Variants in ZFR observed in about 807,000 individuals in gnomAD.
ZFR encodes zinc finger RNA-binding protein.
In ZFR, 19 loss-of-function variants were observed where a neutral mutation model predicts 130.7. The ratio of observed to expected loss-of-function variants is 0.15; its 90% CI spans 0.10 to 0.21. ZFR has a LOEUF of 0.21. Ranked by LOEUF, ZFR falls within the 10% of genes least tolerant of loss-of-function variation. The pLI is 1.00. For synonymous variants in ZFR, 466 were observed against 456.9 expected (o/e 1.02, Z -0.25); for missense variants, 872 against 1,321.5 (o/e 0.66, Z 5.27).
At chr5:32,357,761 A>T (rs939716436) in intron 19 of ZFR, among the ~76,000 whole-genome samples, 15 of 152,234 alleles carry the variant, frequency 9.9e-5, no homozygotes, top group African/African-American at 3.4e-4. Context: ...TGGCTCCTTA[A>T]GTCAGCTGGC....
At chr5:32,417,164 G>T (rs957486621) in intron 4 of ZFR, among the ~76,000 whole-genome samples, 3 of 148,594 alleles carry the variant, frequency 2.0e-5, no homozygotes. Context: ...AAATATACAG[G>T]TTTCTTTGCA....
chr5:32,379,312 T>C (rs997069658), intron 16 of ZFR, 102 bp from the exon 17 acceptor site: 1 of 992,750 alleles, frequency 1.0e-6, no homozygotes, highest in Non-Finnish European at 1.6e-6. Context: ...GAAGCTCAGA[T>C]AAAAACAAAA....
At chr5:32,390,182 T>C in intron 12 of ZFR, 93 bp downstream of exon 12, 1 of 1,443,624 alleles carries the variant, frequency 6.9e-7, no homozygotes, top group Non-Finnish European at 9.3e-7. Flanking sequence ...TACAAGATTA[T>C]TAAGTCTAAA....
At chr5:32,432,108 C>CA (rs1352380260) in intron 2 of ZFR, among the ~76,000 whole-genome samples, 4 of 151,956 alleles carry the variant, frequency 2.6e-5, no homozygotes. Flanking sequence ...CCACCCACCT[C>CA]AGCCTCCTGA....
intron 8 of ZFR, among the ~76,000 whole-genome samples, chr5:32,402,201 C>G (rs920110178): frequency 1.3e-5 from 2 of 152,124 alleles, no homozygotes; most frequent in African/African-American, 2.4e-5. Context: ...CTTAGTAACA[C>G]TACCATTTAA....
intron 11 of ZFR, among the ~76,000 whole-genome samples, chr5:32,391,151 T>C (rs559009806): frequency 1.3e-5 from 2 of 152,358 alleles, no homozygotes; most frequent in Non-Finnish European, 2.9e-5. Context: ...AATCTTGCGC[T>C]GTCCAGCTCC....
chr5:32,389,921 C>T (rs1185505636), intron 12 of ZFR, among the ~76,000 whole-genome samples: 8 of 152,160 alleles, frequency 5.3e-5, no homozygotes, highest in Admixed American at 5.2e-4. Context: ...GAGGCCCAGG[C>T]GGACGGATCT....
intron 5 of ZFR, among the ~76,000 whole-genome samples, chr5:32,413,102 T>C (rs928153171): frequency 1.3e-5 from 2 of 151,876 alleles, no homozygotes; most frequent in Non-Finnish European, 2.9e-5. Context: ...GGCAGGAGAA[T>C]CGCTTAAACC....
intron 2 of ZFR, among the ~76,000 whole-genome samples, chr5:32,423,448 G>A (rs1754000217): frequency 6.6e-6 from 1 of 152,040 alleles, no homozygotes; most frequent in Non-Finnish European, 1.5e-5. Flanking sequence ...GACCATGTGG[G>A]AAATGAACAT....
intron 10 of ZFR, among the ~76,000 whole-genome samples, chr5:32,396,900 G>T (rs1385558952): frequency 1.3e-5 from 2 of 152,170 alleles, no homozygotes; most frequent in Non-Finnish European, 2.9e-5. Context: ...GATAAAGAAG[G>T]TGGATAAATA....
chr5:32,395,054 T>A (rs1753269773), intron 11 of ZFR, 105 bp downstream of exon 11: 1 of 1,384,034 alleles, frequency 7.2e-7, no homozygotes, highest in Non-Finnish European at 9.4e-7. Context: ...AAATTGGAAG[T>A]AAATAAATCT....
intron 17 of ZFR, among the ~76,000 whole-genome samples, chr5:32,367,917 T>A (rs972377423): frequency 1.3e-5 from 2 of 152,178 alleles, no homozygotes; most frequent in African/African-American, 4.8e-5. Flanking sequence ...TTGTCCAAGG[T>A]CATGTAGCTA....
In ZFR at chr5:32,378,414, T is replaced by TA. The variant is rs968086599; in HGVS notation, c.2835+700dup. Among the ~76,000 whole-genome samples the TA allele has an allele frequency of 3.1e-4, 47 of 151,306 alleles. No homozygotes were observed. In the East Asian group the frequency reaches 3.5e-3, roughly 11 times the overall value. ...AGGCCATGCTTTTGTTAAAAAAGATTAAAAAAAAAGAACTAAGGTAATCTT... is the reference window on the plus strand; with the variant it reads ...AGGCCATGCTTTTGTTAAAAAAGATTAAAAAAAAAAGAACTAAGGTAATCTT... On this transcript the variant is annotated intron_variant, in intron 17 of 19. Coordinates refer to ENST00000265069, the MANE Select transcript of ZFR (RefSeq NM_016107.5).
chr5:32,376,102 A>T (rs1005246922), intron 17 of ZFR, among the ~76,000 whole-genome samples: 3 of 149,264 alleles, frequency 2.0e-5, no homozygotes, highest in East Asian at 4.1e-4. Flanking sequence ...TCGGCCTCCT[A>T]AAGTGCTGGG....
At chr5:32,361,145 A>G (rs1312414307) in intron 19 of ZFR, among the ~76,000 whole-genome samples, 1 of 152,142 alleles carries the variant, frequency 6.6e-6, no homozygotes, top group African/African-American at 2.4e-5. Flanking sequence ...ACTGCTGTTC[A>G]CACTATTTTA....
chr5:32,400,596 C>A (rs2111767993), intron 8 of ZFR, among the ~76,000 whole-genome samples: 1 of 152,300 alleles, frequency 6.6e-6, no homozygotes, highest in East Asian at 1.9e-4. Flanking sequence ...GCCCTATGAT[C>A]CCAGCACTGT....
chr5:32,357,658 T>C (rs1306957389), intron 19 of ZFR, among the ~76,000 whole-genome samples: 2 of 152,240 alleles, frequency 1.3e-5, no homozygotes, highest in Non-Finnish European at 2.9e-5. Context: ...TTTCCAATAA[T>C]ATCCTTCATG....
At chr5:32,365,311 ATTT>A (rs1374974852) in intron 17 of ZFR, among the ~76,000 whole-genome samples, 1 of 152,148 alleles carries the variant, frequency 6.6e-6, no homozygotes, top group African/African-American at 2.4e-5. Flanking sequence ...TCATGGACTT[ATTT>A]ATCAGAAGTA....
chr5:32,380,464 C>G (rs1443370638), intron 15 of ZFR: 3 of 244,242 alleles, frequency 1.2e-5, no homozygotes, highest in African/African-American at 2.3e-5. Context: ...ACAAAGACAA[C>G]AAGACAAGAG....
Sources: gnomAD v4.1 joint callset for allele counts (sites outside exome capture counted in the v4.1 genomes callset) on GRCh38, gnomAD v4.1.1 for gene constraint, MANE v1.5 for transcripts, NCBI Gene and HGNC (gene_info 2026-07-23, HGNC 2026-07-21) for gene names.